The following FSTL5 variants were observed in gnomAD, a reference collection of about 807,000 sequenced individuals.
FSTL5 encodes the protein follistatin-related protein 5.
In FSTL5, 62 loss-of-function variants were observed where a neutral mutation model predicts 89.1. The observed-to-expected ratio is 0.70, with a 90% CI of 0.57 to 0.86. FSTL5 has a LOEUF of 0.86. Among genes scored for constraint, FSTL5 ranks in the 40% least tolerant of loss-of-function variants. The probability of loss-of-function intolerance (pLI) is 0.00; values close to 1 mark genes in which losing one functional copy is unlikely to be tolerated. For synonymous variants in FSTL5, 383 were observed against 346.2 expected, an observed-to-expected ratio of 1.11 and a Z score of -1.18; for missense variants, 1,057 against 1,001.6, an observed-to-expected ratio of 1.06 and a Z score of -0.75.
At chr4:161,393,577 G>A (rs907989408) in intron 15 of FSTL5, among the ~76,000 whole-genome samples, 4 of 152,110 alleles carry the variant, frequency 2.6e-5, no homozygotes, top group African/African-American at 4.8e-5. Flanking sequence ...CATTTGAAGA[G>A]AGAGTTTATA....
chr4:161,576,168 G>A (rs1311234257), intron 8 of FSTL5, among the ~76,000 whole-genome samples: 1 of 152,070 alleles, frequency 6.6e-6, no homozygotes, highest in African/African-American at 2.4e-5. Context: ...GGAAATAAGA[G>A]AGGACACAAA....
At chr4:161,677,448 A>G (rs1298989506) in intron 6 of FSTL5, among the ~76,000 whole-genome samples, 1 of 152,064 alleles carries the variant, frequency 6.6e-6, no homozygotes, top group African/African-American at 2.4e-5. Context: ...ATTCCTTTTT[A>G]ATGGCCATAA....
intron 12 of FSTL5, among the ~76,000 whole-genome samples, chr4:161,483,074 A>G (rs1361988468): frequency 6.6e-6 from 1 of 152,180 alleles, no homozygotes; most frequent in Admixed American, 6.5e-5. Context: ...TGGCACTCTT[A>G]AGGAGGCAGC....
At chr4:161,892,782 G>C (rs577543148) in intron 4 of FSTL5, among the ~76,000 whole-genome samples, 1 of 151,982 alleles carries the variant, frequency 6.6e-6, no homozygotes, top group Non-Finnish European at 1.5e-5. Context: ...AATATAGCAA[G>C]TGAATGTTCT....
chr4:161,779,183 A>G (rs941294676), intron 4 of FSTL5, among the ~76,000 whole-genome samples: 9 of 151,968 alleles, frequency 5.9e-5, no homozygotes, highest in Non-Finnish European at 1.3e-4. Context: ...TCATCATAAC[A>G]CTCTCATTAA....
chr4:161,488,792 C>CT (rs142572464), intron 12 of FSTL5, among the ~76,000 whole-genome samples: 10,427 of 152,002 alleles, frequency 0.069, 472 homozygotes, highest in Middle Eastern at 0.11. Context: ...TTGATGCAAA[C>CT]TTTTTTTTAA....
At chr4:161,614,292 G>T (rs1008509285) in intron 7 of FSTL5, among the ~76,000 whole-genome samples, 3 of 152,112 alleles carry the variant, frequency 2.0e-5, no homozygotes, top group African/African-American at 7.2e-5. Context: ...CCAAATACCT[G>T]ATGTTTAACA....
intron 3 of FSTL5, among the ~76,000 whole-genome samples, chr4:161,996,571 C>T (rs1341485764): frequency 6.6e-6 from 1 of 152,220 alleles, no homozygotes; most frequent in Admixed American, 6.5e-5. Flanking sequence ...GTGGCCAATG[C>T]ATTCTTTCTG....
At chr4:161,913,348 G>A (rs112555680) in intron 4 of FSTL5, among the ~76,000 whole-genome samples, 12,710 of 152,124 alleles carry the variant, frequency 0.084, 620 homozygotes, top group East Asian at 0.17. Context: ...GGGTCACTGT[G>A]TTGTGTGCAG....
intron 3 of FSTL5, among the ~76,000 whole-genome samples, chr4:161,938,934 C>T (rs1203309211): frequency 1.3e-5 from 2 of 151,764 alleles, no homozygotes; most frequent in African/African-American, 2.4e-5. Flanking sequence ...TGTTAATTAG[C>T]TTATTAATCA....
intron 7 of FSTL5, among the ~76,000 whole-genome samples, chr4:161,588,951 G>C (rs976810932): frequency 6.6e-5 from 10 of 150,974 alleles, no homozygotes; most frequent in Non-Finnish European, 1.5e-4. Context: ...GTTGAGCTTT[G>C]AGCAACACTT....
In FSTL5 at chr4:161,577,543, A is replaced by G. The variant is rs538820242; in HGVS notation, c.1015+9912T>C. ...CTTGGCTTTCTTCCTGGCGGCATCC[A>G]TTGACATTGATGCAGAAAGAGAGAA... On this transcript the variant is annotated intron_variant, in intron 8 of 15. Transcript: ENST00000306100. Among the ~76,000 whole-genome samples, 3 of 151,488 alleles carry G rather than the reference A, an allele frequency of 2.0e-5. No individual in the cohort carries two copies. The East Asian group carries it at 5.8e-4, about 29-fold the overall frequency.
At position 161,655,465 on chromosome 4, in the gene FSTL5, G is replaced by A. The variant is rs1235887303; in HGVS notation, c.894+863C>T. ...ACTTACTGTAATTATTTCAGCGAAAGCCACGTGATGCCAGTCATACAAATC... is the reference window on the plus strand; with the variant it reads ...ACTTACTGTAATTATTTCAGCGAAAACCACGTGATGCCAGTCATACAAATC... On this transcript the variant is annotated intron_variant, in intron 7 of 15. Coordinates refer to ENST00000306100, the MANE Select transcript of FSTL5 (RefSeq NM_020116.5). Among the ~76,000 whole-genome samples the A allele has an allele frequency of 4.6e-5, 7 of 152,046 alleles. No individual in the cohort carries two copies. The East Asian group carries it at 1.4e-3, about 29-fold the overall frequency.
intron 10 of FSTL5, among the ~76,000 whole-genome samples, chr4:161,518,077 A>G (rs992142009): frequency 2.0e-5 from 3 of 152,218 alleles, no homozygotes; most frequent in Non-Finnish European, 4.4e-5. Flanking sequence ...TGCCGGTCAT[A>G]TGCCAAATTT....
intron 12 of FSTL5, among the ~76,000 whole-genome samples, chr4:161,484,880 T>G (rs2126459570): frequency 6.6e-6 from 1 of 152,294 alleles, no homozygotes; most frequent in East Asian, 1.9e-4. Context: ...CTTTCATTCT[T>G]GCAAGGCAGA....
Position 161,481,873 on chromosome 4 carries a change from T to C in FSTL5, c.1459-704A>G, listed in dbSNP as rs977435312. On this transcript the variant is annotated intron_variant, in intron 12 of 15. Transcript: ENST00000306100. ...TCTTTTCCTTCATATTGTCAAAAAATGATTGTGGAGGAGATATGCAAGCCC... is the reference window on the plus strand; with the variant it reads ...TCTTTTCCTTCATATTGTCAAAAAACGATTGTGGAGGAGATATGCAAGCCC... 3.3e-4 allele frequency among the ~76,000 whole-genome samples: 50 copies of C among 152,196 alleles called. 1 individual carries two copies. Among genetic ancestry groups the C allele is most frequent in the African/African-American group, 1.1e-3 (45 of 41,526 alleles).
At chr4:161,964,031 C>T (rs1578898189) in intron 3 of FSTL5, among the ~76,000 whole-genome samples, 1 of 151,978 alleles carries the variant, frequency 6.6e-6, no homozygotes, top group East Asian at 1.9e-4. Context: ...TTAAGTAATA[C>T]CCTTTTTTCT....
intron 6 of FSTL5, among the ~76,000 whole-genome samples, chr4:161,658,937 T>G (rs1736614607): frequency 6.6e-6 from 1 of 152,232 alleles, no homozygotes; most frequent in South Asian, 2.1e-4. Flanking sequence ...CCCTGGAATC[T>G]CTTCACTAAC....
At chr4:161,783,373 AATT>A (rs1020047864) in intron 4 of FSTL5, among the ~76,000 whole-genome samples, 3 of 152,044 alleles carry the variant, frequency 2.0e-5, no homozygotes, top group Admixed American at 6.6e-5. Flanking sequence ...TTCCCTAATT[AATT>A]ATTTTTTTCC....
Sources: gnomAD v4.1 joint callset for allele counts (sites outside exome capture counted in the v4.1 genomes callset) on GRCh38, gnomAD v4.1.1 for gene constraint, MANE v1.5 for transcripts, NCBI Gene and HGNC (gene_info 2026-07-23, HGNC 2026-07-21) for gene names.